The following NFKBIZ variants were observed in gnomAD, a reference collection of about 807,000 sequenced individuals.
The protein encoded by NFKBIZ is NF-kappa-B inhibitor zeta.
Under a neutral mutation model 76.8 loss-of-function variants are expected in NFKBIZ, and 19 were observed. The ratio of observed to expected loss-of-function variants is 0.25; its 90% CI spans 0.17 to 0.36. The LOEUF is 0.36. Among genes scored for constraint, NFKBIZ ranks in the 10% least tolerant of loss-of-function variants. NFKBIZ has a pLI of 1.00. For missense variants in NFKBIZ, 829 were observed against 910.9 expected, an observed-to-expected ratio of 0.91 and a Z score of 1.16; for synonymous variants, 368 against 354.8, an observed-to-expected ratio of 1.04 and a Z score of -0.42.
chr3:101,857,470 C>T lies in NFKBIZ; in HGVS notation c.2103+11C>T. On this transcript the variant is annotated intron_variant, in intron 11 of 11. Transcript: ENST00000326172. ...CCTGTGGGAGAACAGGTGAGAGGCA[C>T]AGGAGGGAGAGGAAGTATTTTTTGG... The T allele has an allele frequency of 3.1e-6, 5 of 1,613,518 alleles. No individual in the cohort carries two copies. Among genetic ancestry groups the T allele is most frequent in the Non-Finnish European group, 3.4e-6 (4 of 1,179,986 alleles).
At chr3:101,844,401 A>G (rs1047267263) in intron 2 of NFKBIZ, among the ~76,000 whole-genome samples, 94 of 152,190 alleles carry the variant, frequency 6.2e-4, no homozygotes, top group African/African-American at 2.2e-3. Flanking sequence ...GAAGAATACA[A>G]TGATTACTAG....
Position 101,849,724 on chromosome 3 carries a change from G to A in NFKBIZ, c.96G>A (p.Leu32=). 3 of 1,450,062 alleles carry A rather than the reference G, an allele frequency of 2.1e-6. No individual in the cohort carries two copies. Among genetic ancestry groups the A allele is most frequent in the Non-Finnish European group, 2.7e-6 (3 of 1,105,776 alleles). The allele number at this position is 1,450,062 out of a possible 1,614,324, so 89.8% of individuals were successfully genotyped here. ...GCCTCATGACCAGCCCGCTCAACCT[G>A]AGCTACTTCTACGGCGCGTCGCCGC... The part of the protein sequence containing the change: ...GCGLMTSPLN[L]SYFYGASPPA... Residue 32 remains leucine, a synonymous_variant, in exon 1 of 12, where the codon CTG becomes CTA. Coordinates refer to ENST00000326172, the MANE Select transcript of NFKBIZ (RefSeq NM_031419.4).
chr3:101,852,751 A>C lies in NFKBIZ; in HGVS notation c.443A>C (p.Asn148Thr). The C allele has an allele frequency of 6.2e-7, 1 of 1,610,908 alleles. No homozygotes were observed. The highest frequency in any genetic ancestry group is 8.5e-7 in the Non-Finnish European group (1 of 1,178,916). ...AVDDFKTQGV[N>T]IEQFRELKNT... ...TTTTCTTTATAGACACAAGGTGTGA[A>C]CATAGAACAGTTCAGAGGTAAGAGT... Residue 148 changes from asparagine (N) to threonine (T), a missense_variant, in exon 3 of 12, where the codon AAC becomes ACC. Coordinates refer to ENST00000326172, the MANE Select transcript of NFKBIZ (RefSeq NM_031419.4).
At chr3:101,844,862 C>G (rs894376925), upstream of NFKBIZ, among the ~76,000 whole-genome samples, 3 of 152,196 alleles carry the variant, frequency 2.0e-5, no homozygotes, top group Non-Finnish European at 4.4e-5. Context: ...ATTTCTTCAG[C>G]CAAAGCAGTA....
chr3:101,839,908 A>G (rs186099769), intron 2 of NFKBIZ, among the ~76,000 whole-genome samples: 1 of 152,200 alleles, frequency 6.6e-6, no homozygotes. Flanking sequence ...CATTTTTTAC[A>G]GTAGAAGGGT....
chr3:101,851,249 AAG>A (rs764557270), intron 1 of NFKBIZ, among the ~76,000 whole-genome samples: 4 of 152,234 alleles, frequency 2.6e-5, no homozygotes, highest in Non-Finnish European at 4.4e-5. Flanking sequence ...CACACATACT[AAG>A]AGGTTGTGAC....
intron 5 of NFKBIZ, 46 bp from the exon 6 acceptor site, chr3:101,854,532 G>T (rs1288895887): frequency 2.8e-5 from 30 of 1,081,576 alleles, no homozygotes; most frequent in African/African-American, 1.8e-4. Flanking sequence ...GAACAACTTA[G>T]TGAAATCAGA....
Position 101,849,760 on chromosome 3 carries a change from C to A in NFKBIZ, c.132C>A (p.Ala44=). The change falls in exon 1 of 12, where the codon GCC becomes GCA. Residue 44 remains alanine, a synonymous_variant. Transcript: ENST00000326172. ...YFYGASPPAA[A]PGACDASCSV... ...ACGGCGCGTCGCCGCCCGCCGCCGCCCCGGGCGCCTGCGACGCCAGCTGCT... is the reference window on the plus strand; with the variant it reads ...ACGGCGCGTCGCCGCCCGCCGCCGCACCGGGCGCCTGCGACGCCAGCTGCT... The A allele has an allele frequency of 1.4e-6, 2 of 1,453,320 alleles. No homozygotes were observed. Among genetic ancestry groups the A allele is most frequent in the Middle Eastern group, 2.3e-4 (1 of 4,316 alleles). The allele number at this position is 1,453,320 out of a possible 1,614,324, so 90.0% of individuals were successfully genotyped here.
intron 2 of NFKBIZ, among the ~76,000 whole-genome samples, chr3:101,836,792 C>T (rs1942726102): frequency 1.3e-5 from 2 of 152,100 alleles, no homozygotes; most frequent in Non-Finnish European, 2.9e-5. Context: ...CTGTGTTTTC[C>T]CTTAACTTGT....
chr3:101,832,009 A>G (rs1432245401), intron 2 of NFKBIZ, among the ~76,000 whole-genome samples: 1 of 152,176 alleles, frequency 6.6e-6, no homozygotes, highest in African/African-American at 2.4e-5. Context: ...TCTGGGCTCA[A>G]GTGATCCTCC....
In NFKBIZ at chr3:101,853,173, T is replaced by A. The variant is rs748880002; in HGVS notation, c.647T>A (p.Leu216Gln). The A allele has an allele frequency of 1.1e-5, 18 of 1,614,212 alleles. No homozygotes were observed. The highest frequency in any genetic ancestry group is 1.6e-4 in the Middle Eastern group (1 of 6,062). ...CCCAAACAGGAGAGCAGTGCTGATC[T>A]GCTTCAGAACATTATCAACATTAAG... is the stretch of plus-strand genomic sequence containing the variant. ...NEPKQESSAD[L>Q]LQNIINIKNE... The change falls in exon 5 of 12, where the codon CTG (leucine) becomes CAG (glutamine). Residue 216 changes from leucine to glutamine, a missense_variant. By Grantham distance (113) the Leu-to-Gln change is moderately radical (BLOSUM62 -2). Coordinates refer to ENST00000326172, the MANE Select transcript of NFKBIZ (RefSeq NM_031419.4).
At chr3:101,836,617 A>G (rs1365725313) in intron 2 of NFKBIZ, among the ~76,000 whole-genome samples, 1 of 152,226 alleles carries the variant, frequency 6.6e-6, no homozygotes, top group Non-Finnish European at 1.5e-5. Flanking sequence ...GTGAATTTCT[A>G]TAATCAATAT....
rs1943066944 is a variant in NFKBIZ, at chr3:101,857,476, G to A, written c.2103+17G>A. On this transcript the variant is annotated intron_variant, in intron 11 of 11. Coordinates refer to ENST00000326172, the MANE Select transcript of NFKBIZ (RefSeq NM_031419.4). ...GGAGAACAGGTGAGAGGCACAGGAGGGAGAGGAAGTATTTTTTGGCACTGC... is the reference window on the plus strand; with the variant it reads ...GGAGAACAGGTGAGAGGCACAGGAGAGAGAGGAAGTATTTTTTGGCACTGC... The A allele has an allele frequency of 6.2e-7, 1 of 1,613,130 alleles. No homozygotes were observed. Among genetic ancestry groups the A allele is most frequent in the African/African-American group, 1.3e-5 (1 of 74,916 alleles).
chr3:101,837,218 G>A (rs1361533141), intron 2 of NFKBIZ, among the ~76,000 whole-genome samples: 1 of 152,074 alleles, frequency 6.6e-6, no homozygotes, highest in Non-Finnish European at 1.5e-5. Flanking sequence ...ATAATCAAAG[G>A]TAAATGTGAA....
chr3:101,842,030 T>C (rs1457838806), intron 2 of NFKBIZ, among the ~76,000 whole-genome samples: 3 of 152,124 alleles, frequency 2.0e-5, no homozygotes, highest in Non-Finnish European at 4.4e-5. Flanking sequence ...TATAGTGGAA[T>C]AGAGGAGACA....
At chr3:101,830,006 G>A (rs1027692318) in intron 2 of NFKBIZ, among the ~76,000 whole-genome samples, 1 of 152,116 alleles carries the variant, frequency 6.6e-6, no homozygotes, top group Non-Finnish European at 1.5e-5. Flanking sequence ...TCTGCTTACT[G>A]ACAGTTTCAG....
chr3:101,836,667 T>C (rs1449662731), intron 2 of NFKBIZ, among the ~76,000 whole-genome samples: 5 of 152,258 alleles, frequency 3.3e-5, no homozygotes, highest in African/African-American at 1.2e-4. Flanking sequence ...ATTTCCCTTT[T>C]ATCTTTTCTT....
At chr3:101,855,260 T>C in intron 7 of NFKBIZ, 52 bp downstream of exon 7, 1 of 1,594,790 alleles carries the variant, frequency 6.3e-7, no homozygotes, top group Middle Eastern at 1.7e-4. Context: ...AGAGATAGAG[T>C]TGGATATTAG....
intron 6 of NFKBIZ, 90 bp from the exon 7 acceptor site, chr3:101,854,972 G>T: frequency 7.3e-7 from 1 of 1,371,500 alleles, no homozygotes; most frequent in South Asian, 1.5e-5. Flanking sequence ...CTCTCTGTGG[G>T]TTTTTCCCTC....
Sources: allele counts gnomAD v4.1 joint callset (sites outside exome capture counted in the v4.1 genomes callset), GRCh38; gene constraint gnomAD v4.1.1; transcripts MANE v1.5; gene names NCBI Gene and HGNC (gene_info 2026-07-23, HGNC 2026-07-21).